The following EYA2 variants were observed in gnomAD, a reference collection of about 807,000 sequenced individuals.
The protein encoded by EYA2 is EYA transcriptional coactivator and phosphatase 2.
Under a neutral mutation model 69.2 loss-of-function variants are expected in EYA2, and 31 were observed. That is an observed-to-expected ratio of 0.45 (90% CI 0.34 to 0.60). The LOEUF is 0.60. Ranked by LOEUF, EYA2 falls within the 20% of genes least tolerant of loss-of-function variation. The probability of loss-of-function intolerance (pLI) is 0.02; values close to 1 mark genes in which losing one functional copy is unlikely to be tolerated. For synonymous variants in EYA2, 257 were observed against 279.4 expected (o/e 0.92, Z 0.80); for missense variants, 622 against 701.2 (o/e 0.89, Z 1.28).
intron 14 of EYA2, 124 bp from the exon 15 acceptor site, chr20:47,183,167 C>G (rs2034570313): frequency 1.2e-6 from 1 of 829,524 alleles, no homozygotes; most frequent in Admixed American, 2.3e-5. Flanking sequence ...TGCTCAAGAA[C>G]GAAATGATGA....
chr20:46,979,653 T>TGGG (rs1158597260), intron 1 of EYA2: 1 of 151,352 alleles, frequency 6.6e-6, no homozygotes, highest in East Asian at 1.9e-4. Flanking sequence ...TGGGGAAGAG[T>TGGG]GGGGAGAATG....
intron 7 of EYA2, among the ~76,000 whole-genome samples, chr20:47,078,341 A>ACG (rs2031599489): frequency 6.9e-6 from 1 of 145,766 alleles, no homozygotes; most frequent in African/African-American, 2.5e-5. Flanking sequence ...GCACACACAC[A>ACG]CACACACACA....
intron 10 of EYA2, among the ~76,000 whole-genome samples, chr20:47,160,142 G>A (rs534202992): frequency 6.6e-6 from 1 of 152,310 alleles, no homozygotes; most frequent in South Asian, 2.1e-4. Flanking sequence ...GATCCCTCTG[G>A]CTGCTGGCTG....
intron 1 of EYA2, among the ~76,000 whole-genome samples, chr20:46,956,050 C>T (rs1355123401): frequency 6.6e-6 from 1 of 152,206 alleles, no homozygotes. Flanking sequence ...TATAACTTGC[C>T]AACCCCTGAC....
intron 1 of EYA2, among the ~76,000 whole-genome samples, chr20:46,955,670 A>T (rs886829749): frequency 6.6e-6 from 1 of 152,228 alleles, no homozygotes; most frequent in Non-Finnish European, 1.5e-5. Context: ...TTTTTACAAA[A>T]AGAGGATCAG....
chr20:47,033,146 CTGCCTGACCTT>C (rs1269790842), intron 5 of EYA2, among the ~76,000 whole-genome samples: 6 of 152,170 alleles, frequency 3.9e-5, no homozygotes, highest in Non-Finnish European at 4.4e-5. Flanking sequence ...CCCTAGCCGG[CTGCCTGACCTT>C]TAGGTCAGTG....
intron 1 of EYA2, among the ~76,000 whole-genome samples, chr20:46,949,461 G>T (rs1978669503): frequency 1.3e-5 from 2 of 152,182 alleles, no homozygotes; most frequent in South Asian, 4.1e-4. Flanking sequence ...CAAGTAAAGA[G>T]AATTTAGGGG....
chr20:46,968,257 A>G (rs759273917), intron 1 of EYA2, among the ~76,000 whole-genome samples: 1 of 152,246 alleles, frequency 6.6e-6, no homozygotes, highest in Non-Finnish European at 1.5e-5. Flanking sequence ...ATCACCAGAC[A>G]TCTTAGCAAT....
chr20:47,115,609 C>T (rs1037378068), intron 9 of EYA2, among the ~76,000 whole-genome samples: 2 of 152,042 alleles, frequency 1.3e-5, no homozygotes, highest in Non-Finnish European at 2.9e-5. Context: ...CTCTCCAGCT[C>T]CCCCACCACC....
intron 10 of EYA2, among the ~76,000 whole-genome samples, chr20:47,147,079 A>G (rs1341377842): frequency 8.1e-6 from 1 of 123,186 alleles, no homozygotes; most frequent in African/African-American, 3.1e-5. Context: ...TTTTTTTGAG[A>G]CAGTCTCACT....
At chr20:46,956,055 C>A (rs1466774747) in intron 1 of EYA2, among the ~76,000 whole-genome samples, 5 of 152,188 alleles carry the variant, frequency 3.3e-5, no homozygotes, top group African/African-American at 1.2e-4. Flanking sequence ...CTTGCCAACC[C>A]CTGACCTTTT....
chr20:47,130,947 A>G (rs116826926), intron 9 of EYA2, among the ~76,000 whole-genome samples: 3,366 of 152,206 alleles, frequency 0.022, 118 homozygotes, highest in East Asian at 0.089. Flanking sequence ...AGAATTAGCC[A>G]GTGTAGTGGC....
At chr20:47,088,936 C>T (rs1025211611) in intron 7 of EYA2, among the ~76,000 whole-genome samples, 4 of 152,150 alleles carry the variant, frequency 2.6e-5, no homozygotes, top group Non-Finnish European at 5.9e-5. Context: ...GCTTACTTGT[C>T]GATGTGTCTG....
chr20:47,007,535 C>T (rs1026432921), intron 4 of EYA2, among the ~76,000 whole-genome samples: 1 of 152,102 alleles, frequency 6.6e-6, no homozygotes, highest in Non-Finnish European at 1.5e-5. Flanking sequence ...TTCTGTTCCA[C>T]GTGAGACTGG....
chr20:46,927,575 G>A (rs1201850892), intron 1 of EYA2, among the ~76,000 whole-genome samples: 1 of 152,176 alleles, frequency 6.6e-6, no homozygotes, highest in Non-Finnish European at 1.5e-5. Context: ...GAGAATGAGA[G>A]CCAATCAAAA....
At chr20:46,900,495 A>G (rs1435791568) in intron 1 of EYA2, among the ~76,000 whole-genome samples, 2 of 152,230 alleles carry the variant, frequency 1.3e-5, no homozygotes, top group Admixed American at 6.5e-5. Flanking sequence ...GTTTCATGGT[A>G]AGATGTGGGT....
intron 10 of EYA2, among the ~76,000 whole-genome samples, chr20:47,163,036 C>CTT (rs11435504): frequency 3.3e-4 from 49 of 146,516 alleles, no homozygotes; most frequent in African/African-American, 9.5e-4. Flanking sequence ...GTGTATCACT[C>CTT]TTTTTTTTTT....
At chr20:47,016,341 C>T (rs745883243) in intron 5 of EYA2, 44 bp downstream of exon 5, 12 of 1,466,784 alleles carry the variant, frequency 8.2e-6, no homozygotes, top group Non-Finnish European at 1.1e-5. Context: ...CTCTAAGGAC[C>T]ACCTAAGTTG....
chr20:46,924,647 C>T lies in EYA2; in HGVS notation c.-11+29660C>T, dbSNP rs546924915. On this transcript the variant is annotated intron_variant, in intron 1 of 15. Transcript: ENST00000327619. ...ATCGCGCCACTGCACTCCAGCCTGGCCAATAGAGCGAGACTCCATCTCAAA... is the reference window on the plus strand; with the variant it reads ...ATCGCGCCACTGCACTCCAGCCTGGTCAATAGAGCGAGACTCCATCTCAAA... Among the ~76,000 whole-genome samples, 11 of 130,614 alleles carry T rather than the reference C, an allele frequency of 8.4e-5. 1 individual carries two copies. The highest frequency in any genetic ancestry group is 3.1e-4 in the African/African-American group (10 of 32,628). The allele number at this position is 130,614 out of a possible 152,430, so 85.7% of individuals were successfully genotyped here.
Sources: allele counts gnomAD v4.1 joint callset (sites outside exome capture counted in the v4.1 genomes callset), GRCh38; gene constraint gnomAD v4.1.1; transcripts MANE v1.5; gene names NCBI Gene and HGNC (gene_info 2026-07-23, HGNC 2026-07-21).